CIRSR: variants seen among roughly 807,000 people sequenced by gnomAD.
CIRSR encodes CBF1 (RBPJ) interacting corepressor 1.
At chr2:174,356,951 C>A in the CIRSR span, among the ~76,000 whole-genome samples, 1 of 152,254 alleles carries the variant, frequency 6.6e-6, no homozygotes, top group East Asian at 1.9e-4. Context: ...AATAAAATCT[C>A]AACCTCAATA....
the CIRSR span, among the ~76,000 whole-genome samples, chr2:174,362,433 G>A: frequency 6.6e-6 from 1 of 152,028 alleles, no homozygotes; most frequent in Non-Finnish European, 1.5e-5. Context: ...TGGAGTCAAT[G>A]TTTATTCACT....
chr2:174,350,740 A>C, the CIRSR span: 2 of 1,606,498 alleles, frequency 1.2e-6, no homozygotes, highest in African/African-American at 2.7e-5. Context: ...CACTTGCAAC[A>C]TACTCCTGAG....
the CIRSR span, chr2:174,378,874 A>G: frequency 7.6e-7 from 1 of 1,317,228 alleles, no homozygotes; most frequent in Admixed American, 1.7e-5. Context: ...ATGTTGTTTT[A>G]TCTTTCCTTG....
the CIRSR span, among the ~76,000 whole-genome samples, chr2:174,389,844 G>A: frequency 1.2e-4 from 18 of 152,268 alleles, no homozygotes; most frequent in East Asian, 3.3e-3. Flanking sequence ...GAGAATGCAA[G>A]CCCCAAACCT....
chr2:174,362,319 AC>A, the CIRSR span, among the ~76,000 whole-genome samples: 133 of 151,572 alleles, frequency 8.8e-4, 1 homozygote, highest in South Asian at 0.019. Flanking sequence ...AAAAACAAAA[AC>A]AAAAACAAAA....
the CIRSR span, among the ~76,000 whole-genome samples, chr2:174,376,432 A>G: frequency 6.6e-6 from 1 of 152,186 alleles, no homozygotes; most frequent in Non-Finnish European, 1.5e-5. Flanking sequence ...AAACCCCACC[A>G]TAAGAGGGTT....
At chr2:174,375,986 T>C in the CIRSR span, among the ~76,000 whole-genome samples, 1 of 152,178 alleles carries the variant, frequency 6.6e-6, no homozygotes, top group African/African-American at 2.4e-5. Context: ...GCCTCTCAAG[T>C]AGCTGTGACT....
the CIRSR span, among the ~76,000 whole-genome samples, chr2:174,376,354 A>C: frequency 6.6e-6 from 1 of 152,198 alleles, no homozygotes; most frequent in African/African-American, 2.4e-5. Context: ...CAAATACTTG[A>C]GCATTTTTTC....
chr2:174,355,291 C>A, the CIRSR span, among the ~76,000 whole-genome samples: 1 of 152,192 alleles, frequency 6.6e-6, no homozygotes, highest in East Asian at 1.9e-4. Context: ...TTAATAATTT[C>A]AATTATAGCT....
the CIRSR span, among the ~76,000 whole-genome samples, chr2:174,376,178 A>G: frequency 6.6e-6 from 1 of 152,108 alleles, no homozygotes; most frequent in African/African-American, 2.4e-5. Flanking sequence ...AACATTTTAT[A>G]TGTTAGGGGT....
the CIRSR span, among the ~76,000 whole-genome samples, chr2:174,382,157 C>T: frequency 6.6e-6 from 1 of 152,152 alleles, no homozygotes; most frequent in Non-Finnish European, 1.5e-5. Context: ...AGTGCCAACA[C>T]TTTTTCTTGA....
At chr2:174,365,383 A>G in the CIRSR span, among the ~76,000 whole-genome samples, 1 of 152,158 alleles carries the variant, frequency 6.6e-6, no homozygotes, top group African/African-American at 2.4e-5. Context: ...TGAGCCCTCC[A>G]AACTGTTCCA....
At chr2:174,375,434 C>G in the CIRSR span, among the ~76,000 whole-genome samples, 5 of 152,004 alleles carry the variant, frequency 3.3e-5, no homozygotes, top group African/African-American at 7.3e-5. Context: ...ATGGTGAAAC[C>G]CCATCTCTAC....
the CIRSR span, among the ~76,000 whole-genome samples, chr2:174,354,475 AAT>A: frequency 6.8e-5 from 6 of 88,790 alleles, no homozygotes; most frequent in East Asian, 2.7e-4. Context: ...AAATATATAT[AAT>A]ATATATTATA....
the CIRSR span, among the ~76,000 whole-genome samples, chr2:174,361,754 A>G: frequency 6.6e-6 from 1 of 152,230 alleles, no homozygotes; most frequent in Non-Finnish European, 1.5e-5. Context: ...ACTAAAAACT[A>G]TAGTGTAAAC....
At chr2:174,380,751 C>T in the CIRSR span, 2 of 1,606,244 alleles carry the variant, frequency 1.2e-6, no homozygotes, top group Non-Finnish European at 1.7e-6. Context: ...TTAATTTTTC[C>T]ATATAATACA....
the CIRSR span, among the ~76,000 whole-genome samples, chr2:174,389,037 A>G: frequency 1.3e-5 from 2 of 152,342 alleles, no homozygotes; most frequent in Non-Finnish European, 2.9e-5. Flanking sequence ...TCTTGCCTTT[A>G]TAAATTACTC....
the CIRSR span, among the ~76,000 whole-genome samples, chr2:174,393,948 T>C: frequency 6.6e-6 from 1 of 152,196 alleles, no homozygotes; most frequent in Non-Finnish European, 1.5e-5. Flanking sequence ...GTGTTAACTA[T>C]CTAGAAAGGT....
the CIRSR span, among the ~76,000 whole-genome samples, chr2:174,384,028 A>G: frequency 6.6e-6 from 1 of 152,306 alleles, no homozygotes; most frequent in East Asian, 1.9e-4. Context: ...ACTCCTAGGT[A>G]TATACCCAAA....
Sources: allele counts gnomAD v4.1 joint callset (sites outside exome capture counted in the v4.1 genomes callset), GRCh38; gene constraint gnomAD v4.1.1; transcripts MANE v1.5; gene names NCBI Gene and HGNC (gene_info 2026-07-23, HGNC 2026-07-21).